COPS4: variants seen among roughly 807,000 people sequenced by gnomAD.
COPS4 encodes the protein COP9 signalosome subunit 4, also known as COP9 signalosome complex subunit 4.
COPS4 carries 8 observed loss-of-function variants against 55.1 expected under a neutral mutation model. The ratio of observed to expected loss-of-function variants is 0.15; its 90% confidence interval spans 0.09 to 0.26. The LOEUF is 0.26. Ranked by LOEUF, COPS4 falls within the 10% of genes least tolerant of loss-of-function variation. COPS4 has a pLI of 1.00. For synonymous variants in COPS4, 185 were observed against 165.7 expected (o/e 1.12, Z -0.90); for missense variants, 248 against 484.0 (o/e 0.51, Z 4.58).
chr4:83,049,290 G>C lies in COPS4; in HGVS notation c.279G>C (p.Gln93His), dbSNP rs1259198547. ...ATCACTTCACCTTGGAAAAGATCCA[G>C]CCTAGAGTCATTTCATTTGAGGAGC... The part of the protein sequence containing the change: ...EIYHFTLEKI[Q>H]PRVISFEEQV... Residue 93 changes from glutamine (Q) to histidine (H), a missense_variant, in exon 3 of 10, where the codon CAG (glutamine) becomes CAC (histidine). This residue lies in a region of COPS4 where 155 missense variants were observed against 326.6 expected (regional missense o/e 0.47). Coordinates refer to ENST00000264389, the MANE Select transcript of COPS4 (RefSeq NM_016129.3). The C allele has an allele frequency of 6.3e-7, 1 of 1,598,508 alleles. No homozygotes were observed. The highest frequency in any genetic ancestry group is 1.8e-5 in the Admixed American group (1 of 55,652).
At chr4:83,039,888 C>T (rs190810218) in intron 1 of COPS4, among the ~76,000 whole-genome samples, 57 of 152,276 alleles carry the variant, frequency 3.7e-4, no homozygotes, top group South Asian at 2.7e-3. Context: ...TCTCCTGCCT[C>T]GGCCTACAAA....
intron 1 of COPS4, 93 bp from the exon 2 acceptor site, chr4:83,045,533 C>A: frequency 3.0e-6 from 3 of 984,270 alleles, no homozygotes; most frequent in South Asian, 1.5e-5. Flanking sequence ...ATGAAAGAAA[C>A]CAAGGTATGT....
Position 83,035,296 on chromosome 4 carries a change from C to A in COPS4, c.72C>A (p.Gly24=), listed in dbSNP as rs370445590. ...NSSGSHKDLA[G]KYRQILEKAI... Reference sequence around the variant, plus strand: ...GCGGCTCTCATAAAGATCTGGCTGGCAAGTGAGTATTTCCCAGGAACGCGG... The same window carrying A: ...GCGGCTCTCATAAAGATCTGGCTGGAAAGTGAGTATTTCCCAGGAACGCGG... Residue 24 remains glycine (G), a splice_region_variant and synonymous_variant, in exon 1 of 10, where the codon GGC becomes GGA. Transcript: ENST00000264389. 1.3e-6 allele frequency: 2 copies of A among 1,556,590 alleles called. No individual in the cohort carries two copies. The highest frequency in any genetic ancestry group is 1.7e-6 in the Non-Finnish European group (2 of 1,143,302).
At chr4:83,055,917 CTTT>C (rs770041926) in intron 4 of COPS4, among the ~76,000 whole-genome samples, 4 of 130,416 alleles carry the variant, frequency 3.1e-5, no homozygotes, top group Admixed American at 9.6e-5. Context: ...CTTTTCTTTT[CTTT>C]TTTTTCTTTT....
intron 7 of COPS4, among the ~76,000 whole-genome samples, chr4:83,063,948 C>G (rs960912531): frequency 2.0e-5 from 3 of 152,160 alleles, no homozygotes; most frequent in Non-Finnish European, 4.4e-5. Context: ...GATTCGCCCC[C>G]CTCAGCCTCT....
intron 1 of COPS4, among the ~76,000 whole-genome samples, chr4:83,043,121 T>A (rs6830020): frequency 6.6e-6 from 1 of 152,102 alleles, no homozygotes; most frequent in Admixed American, 6.6e-5. Context: ...TTATATAATT[T>A]GATGAGTATA....
intron 2 of COPS4, among the ~76,000 whole-genome samples, chr4:83,047,796 C>G (rs747720181): frequency 6.6e-5 from 10 of 152,174 alleles, no homozygotes; most frequent in Non-Finnish European, 1.3e-4. Context: ...GTCAGGAGAT[C>G]AAGACCATTT....
Position 83,035,222 on chromosome 4 carries a change from A to C in COPS4, c.-3A>C, listed in dbSNP as rs1157649267. The C allele has an allele frequency of 6.4e-6, 10 of 1,564,710 alleles. No individual in the cohort carries two copies. Among genetic ancestry groups the C allele is most frequent in the Non-Finnish European group, 8.7e-6 (10 of 1,148,502 alleles). On this transcript the variant is annotated 5_prime_UTR_variant, in exon 1 of 10. Coordinates refer to ENST00000264389, the MANE Select transcript of COPS4 (RefSeq NM_016129.3). ...CCGCATCCACCGCTGAGCTGGGAGA[A>C]AGATGGCGGCAGCCGTGCGACAGGA...
intron 2 of COPS4, 34 bp downstream of exon 2, chr4:83,045,739 A>G (rs371867919): frequency 5.5e-6 from 8 of 1,451,530 alleles, no homozygotes; most frequent in African/African-American, 2.8e-5. Context: ...CTTGCCTTGT[A>G]TTACTGAGCT....
At chr4:83,052,179 T>C (rs2126130129) in intron 4 of COPS4, among the ~76,000 whole-genome samples, 1 of 152,162 alleles carries the variant, frequency 6.6e-6, no homozygotes, top group East Asian at 1.9e-4. Context: ...GGGGGAGTTT[T>C]CAAAAAAGGT....
intron 4 of COPS4, among the ~76,000 whole-genome samples, chr4:83,050,367 G>A (rs1348308662): frequency 1.3e-5 from 2 of 151,838 alleles, no homozygotes; most frequent in African/African-American, 4.8e-5. Flanking sequence ...GCATGATCTC[G>A]GCTCACTGCA....
chr4:83,041,054 T>G (rs146447490), intron 1 of COPS4, among the ~76,000 whole-genome samples: 121 of 151,798 alleles, frequency 8.0e-4, no homozygotes, highest in African/African-American at 2.7e-3. Context: ...ATAAGTTTTT[T>G]TTTTTTGTTT....
intron 4 of COPS4, among the ~76,000 whole-genome samples, chr4:83,050,285 CTTGTTGTTGTTG>C (rs374355313): frequency 1.1e-4 from 17 of 151,782 alleles, no homozygotes; most frequent in African/African-American, 3.9e-4. Context: ...ACCAGATACT[CTTGTTGTTGTTG>C]TTGTTGTTGT....
At chr4:83,063,949 C>A (rs1328824761) in intron 7 of COPS4, among the ~76,000 whole-genome samples, 2 of 152,176 alleles carry the variant, frequency 1.3e-5, no homozygotes. Flanking sequence ...ATTCGCCCCC[C>A]TCAGCCTCTC....
chr4:83,070,959 TC>T (rs1440538779), intron 9 of COPS4, among the ~76,000 whole-genome samples: 1 of 152,180 alleles, frequency 6.6e-6, no homozygotes, highest in Non-Finnish European at 1.5e-5. Context: ...TGCAAATTCT[TC>T]CCCCTATCAA....
chr4:83,051,848 A>G (rs957869233), intron 4 of COPS4, among the ~76,000 whole-genome samples: 2 of 152,198 alleles, frequency 1.3e-5, no homozygotes, highest in South Asian at 2.1e-4. Context: ...GAGCACTTCA[A>G]CGTTAAGAGG....
chr4:83,064,029 G>A (rs1731238421), intron 7 of COPS4, among the ~76,000 whole-genome samples: 1 of 152,060 alleles, frequency 6.6e-6, no homozygotes, highest in Non-Finnish European at 1.5e-5. Context: ...GTATACTGCT[G>A]TACTACTTAA....
chr4:83,063,073 T>C lies in COPS4; in HGVS notation c.716-3T>C, dbSNP rs74891864. 1,125 of 1,537,710 alleles carry C rather than the reference T, an allele frequency of 7.3e-4. 16 individuals are homozygous for C. In the Admixed American group the frequency reaches 0.013, roughly 17 times the overall value. On this transcript the variant is annotated splice_polypyrimidine_tract_variant and splice_region_variant and intron_variant, in intron 6 of 9. Transcript: ENST00000264389. ...AAATTTGATGCTCATTTATTTCTCT[T>C]AGGGCAGCAGCGTTCTCGGATGCTA...
rs768381902 is a variant in COPS4 at position 83,072,232 on chromosome 4, G to A, written c.1088-3065G>A. 7.2e-5 allele frequency among the ~76,000 whole-genome samples: 11 copies of A among 151,894 alleles called. No individual in the cohort carries two copies. The East Asian group carries it at 7.7e-4, about 11-fold the overall frequency. ...CCCAAGTAGCTGGGACTACAGGCACGCACCACCACGCTCATGCACCACCAT... is the reference window on the plus strand; with the variant it reads ...CCCAAGTAGCTGGGACTACAGGCACACACCACCACGCTCATGCACCACCAT... On this transcript the variant is annotated intron_variant, in intron 9 of 9. Transcript: ENST00000264389.
Sources: allele counts gnomAD v4.1 joint callset (sites outside exome capture counted in the v4.1 genomes callset), GRCh38; gene constraint gnomAD v4.1.1; regional missense constraint gnomAD v4.1.1; transcripts MANE v1.5; gene names NCBI Gene and HGNC (gene_info 2026-07-23, HGNC 2026-07-21).